RNF213: variants seen among roughly 807,000 people sequenced by gnomAD.
RNF213 encodes the protein E3 ubiquitin-protein ligase RNF213.
RNF213 carries 341 observed loss-of-function variants against 514.4 expected under a neutral mutation model. That is an observed-to-expected ratio of 0.66 (90% CI 0.61 to 0.73). The LOEUF (loss-of-function observed/expected upper bound fraction) is 0.73. Ranked by LOEUF, RNF213 falls within the 30% of genes least tolerant of loss-of-function variation. The probability of loss-of-function intolerance (pLI) is 0.00; values close to 1 mark genes in which losing one functional copy is unlikely to be tolerated. For missense variants in RNF213, 5,767 were observed against 6,615.6 expected (o/e 0.87, Z 4.45); for synonymous variants, 2,655 against 2,658.2 (o/e 1.00, Z 0.04).
chr17:80,345,359 AAG>A lies in RNF213; in HGVS notation c.7030_7031del (p.Asp2344ArgfsTer22). ...CAGTCACTTGACTGGGAAGGTCATC[AAG>A]AGAGACGTCATGACCAGGGACCTGT... ...AISHLTGKVI[K>X]RDVMTRDLYQ... On this transcript the variant is annotated frameshift_variant, in exon 29 of 68. Transcript: ENST00000582970. LOFTEE classifies it high-confidence loss of function. This position sits in a 1 kb window ranked among gnomAD's most constrained non-coding sequence, Gnocchi z 6.0. 1 of 1,614,094 alleles carries A rather than the reference AAG, an allele frequency of 6.2e-7. No individual in the cohort carries two copies. Among genetic ancestry groups the A allele is most frequent in the Non-Finnish European group, 8.5e-7 (1 of 1,180,022 alleles).
chr17:80,379,761 G>T, intron 55 of RNF213, 47 bp downstream of exon 55: 1 of 1,511,814 alleles, frequency 6.6e-7, no homozygotes, highest in Non-Finnish European at 9.2e-7. Context: ...ACTTTGGGGT[G>T]TTGGGCTGTT....
In RNF213 at chr17:80,397,058, C is replaced by T. The variant is rs2080680486; in HGVS notation, c.*3560C>T. 6.6e-6 allele frequency: 1 copy of T among 152,486 alleles called. No individual in the cohort carries two copies. Among genetic ancestry groups the T allele is most frequent in the Admixed American group, 6.5e-5 (1 of 15,294 alleles). The allele number at this position is 152,486 out of a possible 1,614,324, so 9.4% of individuals were successfully genotyped here. ...CTGCTACCTGTGCCCTGAAGCGCAA[C>T]AGAACCTCAACCCAGAGGACAGCCA... On this transcript the variant is annotated 3_prime_UTR_variant, in exon 68 of 68. Transcript: ENST00000582970.
chr17:80,363,406 G>A, intron 40 of RNF213, 92 bp downstream of exon 40: 1 of 1,381,290 alleles, frequency 7.2e-7, no homozygotes, highest in African/African-American at 1.4e-5. Context: ...TGTTCCAAGT[G>A]GGAGATTTCT....
Position 80,343,148 on chromosome 17 carries a change from G to A in RNF213, c.6006G>A (p.Val2002=). Residue 2002 remains valine, a synonymous_variant, in exon 27 of 68, where the codon GTG becomes GTA. Coordinates refer to ENST00000582970, the MANE Select transcript of RNF213 (RefSeq NM_001256071.3). This position sits in a 1 kb window ranked among gnomAD's most constrained non-coding sequence, Gnocchi z 4.3. ...ATGTTATAGGAAAGTCTCTGTACGT[G>A]AAGAGGTTGCACGACAAAATGAAGA... ...ERAGVGKSLY[V]KRLHDKMKMQ... 1 of 1,613,856 alleles carries A rather than the reference G, an allele frequency of 6.2e-7. No individual in the cohort carries two copies. Among genetic ancestry groups the A allele is most frequent in the Non-Finnish European group, 8.5e-7 (1 of 1,179,796 alleles).
At chr17:80,351,857 G>A in intron 32 of RNF213, 54 bp downstream of exon 32, 1 of 1,036,590 alleles carries the variant, frequency 9.6e-7, no homozygotes, top group African/African-American at 1.6e-5. Flanking sequence ...TTATTTATTT[G>A]TATCTATTTA....
chr17:80,273,307 T>C lies in RNF213; in HGVS notation c.164T>C (p.Leu55Pro), dbSNP rs2043891691. ...GGTGAAATGGAGTGTGGGCAGGAGC[T>C]GAAGGAGGAAGGGGGCCCGTGCTTG... ...SEGEMECGQE[L>P]KEEGGPCLFP... The change falls in exon 3 of 68, where the codon CTG becomes CCG. Residue 55 changes from leucine to proline, a missense_variant. Coordinates refer to ENST00000582970, the MANE Select transcript of RNF213 (RefSeq NM_001256071.3). The C allele has an allele frequency of 1.9e-6, 3 of 1,613,610 alleles. No individual in the cohort carries two copies. The highest frequency in any genetic ancestry group is 2.2e-5 in the South Asian group (2 of 91,088).
intron 3 of RNF213, chr17:80,278,813 A>G (rs762013253): frequency 5.2e-5 from 80 of 1,537,190 alleles, no homozygotes; most frequent in Non-Finnish European, 6.9e-5. Flanking sequence ...CTCATATCCG[A>G]TGAATGGGAA....
chr17:80,377,188 G>A lies in RNF213; in HGVS notation c.13510+225G>A. ...TTTCATTTCTTTGTCGTGTGGAAAA[G>A]GCCCTCTGTGATGCACTTCTGTTCT... On this transcript the variant is annotated intron_variant, in intron 53 of 67. Transcript: ENST00000582970. The surrounding 1 kb of genome is among the most constrained non-coding windows in gnomAD (Gnocchi z 4.1). The A allele has an allele frequency of 3.5e-6, 2 of 565,550 alleles. No individual in the cohort carries two copies. Among genetic ancestry groups the A allele is most frequent in the Non-Finnish European group, 6.4e-6 (2 of 313,986 alleles). The allele number at this position is 565,550 out of a possible 1,614,324, so 35.0% of individuals were successfully genotyped here. A position where few individuals can be genotyped will look rare whatever the true frequency, so the allele number is the denominator to read the frequency against.
At chr17:80,321,656 CA>C (rs1599020430) in intron 17 of RNF213, among the ~76,000 whole-genome samples, 1 of 152,362 alleles carries the variant, frequency 6.6e-6, no homozygotes, top group East Asian at 1.9e-4. Context: ...TCCACATCCT[CA>C]CTAACATGTG....
Position 80,355,654 on chromosome 17 carries a change from ACGGGAATGGGGGCTTACAGGG to A in RNF213, c.10862+1079_10862+1099del, listed in dbSNP as rs1568123675. Among the ~76,000 whole-genome samples the A allele has an allele frequency of 1.2e-3, 38 of 32,902 alleles. 6 individuals are homozygous for A. The highest frequency in any genetic ancestry group is 4.0e-3 in the African/African-American group (30 of 7,474). 21.6% of individuals were successfully genotyped at this position (32,902 alleles called of 152,430 possible). ...GCTTACAGGGGAAGAAGCGGGGTGG[ACGGGAATGGGGGCTTACAGGG>A]GGAAGAAGCGGGGTGACCGGGAATG... On this transcript the variant is annotated intron_variant, in intron 36 of 67. Coordinates refer to ENST00000582970, the MANE Select transcript of RNF213 (RefSeq NM_001256071.3).
At chr17:80,359,313 C>T (rs1253870938) in intron 37 of RNF213, among the ~76,000 whole-genome samples, 1 of 151,780 alleles carries the variant, frequency 6.6e-6, no homozygotes, top group Non-Finnish European at 1.5e-5. Flanking sequence ...GTTTCTTGAA[C>T]CCAGGGGTTG....
chr17:80,381,743 A>G lies in RNF213; in HGVS notation c.13978+16A>G, dbSNP rs1162455233. Reference sequence around the variant, plus strand: ...TCTAGCAGAAGTGAGGAAAGGGGCAAGGGCTGGGCGGGGATCACACAGCAC... The same window carrying G: ...TCTAGCAGAAGTGAGGAAAGGGGCAGGGGCTGGGCGGGGATCACACAGCAC... On this transcript the variant is annotated intron_variant, in intron 57 of 67. Transcript: ENST00000582970. 6.2e-7 allele frequency: 1 copy of G among 1,609,390 alleles called. No individual in the cohort carries two copies.
chr17:80,376,399 A>G lies in RNF213; in HGVS notation c.13284A>G (p.Pro4428=), dbSNP rs1358680200. 1 of 1,614,150 alleles carries G rather than the reference A, an allele frequency of 6.2e-7. No individual in the cohort carries two copies. The highest frequency in any genetic ancestry group is 1.7e-5 in the Admixed American group (1 of 60,020). The part of the protein sequence containing the change: ...FATSLVDNSV[P]LLRAGPSDSN... Reference sequence around the variant, plus strand: ...CATCGCTCGTGGACAATTCTGTGCCATTGTTGAGGGCGGGGCCTAGTGACA... The same window carrying G: ...CATCGCTCGTGGACAATTCTGTGCCGTTGTTGAGGGCGGGGCCTAGTGACA... Residue 4428 remains proline, a synonymous_variant, in exon 52 of 68, where the codon CCA becomes CCG. Coordinates refer to ENST00000582970, the MANE Select transcript of RNF213 (RefSeq NM_001256071.3).
At position 80,345,984 on chromosome 17, in the gene RNF213, AGGAGAC is replaced by A; in HGVS notation, c.7652_7657del (p.Glu2551_Thr2552del). ...GGTTTGGGCTACAGGGTTAGTATGG[AGGAGAC>A]GGCCGACAGGCTGGGCTCCATTCCT... On this transcript the variant is annotated inframe_deletion, in exon 29 of 68. Coordinates refer to ENST00000582970, the MANE Select transcript of RNF213 (RefSeq NM_001256071.3). This position sits in a 1 kb window ranked among gnomAD's most constrained non-coding sequence, Gnocchi z 6.0. 1.2e-6 allele frequency: 2 copies of A among 1,614,176 alleles called. No homozygotes were observed. The highest frequency in any genetic ancestry group is 1.7e-6 in the Non-Finnish European group (2 of 1,180,030).
intron 15 of RNF213, among the ~76,000 whole-genome samples, chr17:80,314,328 A>ATGG (rs371930100): frequency 1.4e-4 from 1 of 7,144 alleles, no homozygotes; most frequent in Non-Finnish European, 3.1e-4. Flanking sequence ...AATGGAGGTG[A>ATGG]TGGTGGTGGT....
rs1327453050 is a variant in RNF213 at position 80,358,408 on chromosome 17, A to T, written c.10983A>T (p.Ala3661=). ...CCAGGCCAGATACTCCGCCCTGGGC[A>T]AGAGATCTTTGGATGTTTATTTTCA... is the stretch of plus-strand genomic sequence containing the variant. The part of the protein sequence containing the change: ...LLTRPDTPPW[A]RDLWMFIFSD... Residue 3661 remains alanine, a synonymous_variant, in exon 37 of 68, where the codon GCA becomes GCT. Coordinates refer to ENST00000582970, the MANE Select transcript of RNF213 (RefSeq NM_001256071.3). The T allele has an allele frequency of 6.2e-7, 1 of 1,614,190 alleles. No homozygotes were observed. Among genetic ancestry groups the T allele is most frequent in the Non-Finnish European group, 8.5e-7 (1 of 1,180,012 alleles).
At chr17:80,292,801 C>A (rs571667753) in intron 8 of RNF213, among the ~76,000 whole-genome samples, 38 of 152,266 alleles carry the variant, frequency 2.5e-4, no homozygotes, top group Admixed American at 2.3e-3. Context: ...CTCGCTCCCC[C>A]TCCCTGCACA....
intron 59 of RNF213, chr17:80,384,797 T>A (rs1268674490): frequency 1.8e-6 from 1 of 546,934 alleles, no homozygotes; most frequent in East Asian, 3.4e-5. Flanking sequence ...ACGCGGCTGA[T>A]GCGTCAGCTC....
At position 80,334,146 on chromosome 17, in the gene RNF213, G is replaced by A. The variant is rs914691950; in HGVS notation, c.4185G>A (p.Gln1395=). The A allele has an allele frequency of 2.0e-6, 3 of 1,537,216 alleles. No individual in the cohort carries two copies. Among genetic ancestry groups the A allele is most frequent in the Non-Finnish European group, 1.7e-6 (2 of 1,146,896 alleles). Residue 1395 remains glutamine, a synonymous_variant, in exon 22 of 68, where the codon CAG becomes CAA. Transcript: ENST00000582970. ...FDDFRRETLD[Q]INQELIQAKK... Reference sequence around the variant, plus strand: ...ACTTTCGCCGTGAAACACTGGACCAGATCAACCAGGAGCTCATCCAGGCCA... The same window carrying A: ...ACTTTCGCCGTGAAACACTGGACCAAATCAACCAGGAGCTCATCCAGGCCA...
Sources: gnomAD v4.1 joint callset for allele counts (sites outside exome capture counted in the v4.1 genomes callset) on GRCh38, gnomAD v4.1.1 for gene constraint, Gnocchi (gnomAD v3.1) non-coding constraint, MANE v1.5 for transcripts, NCBI Gene and HGNC (gene_info 2026-07-23, HGNC 2026-07-21) for gene names.